Variants in KBTBD12 observed in about 807,000 individuals in gnomAD.
KBTBD12 encodes the protein kelch repeat and BTB domain-containing protein 12.
KBTBD12 carries 53 observed loss-of-function variants against 58.7 expected under a neutral mutation model. That is an observed-to-expected ratio of 0.90 (90% CI 0.72 to 1.14). The LOEUF (loss-of-function observed/expected upper bound fraction) is 1.14, where lower values mean the gene tolerates loss of function less well. KBTBD12 is among the 50% of genes most tolerant of loss of function. The probability of loss-of-function intolerance (pLI) is 0.00; values close to 1 mark genes in which losing one functional copy is unlikely to be tolerated. For synonymous variants in KBTBD12, 236 were observed against 259.8 expected (o/e 0.91, Z 0.88); for missense variants, 704 against 751.3 (o/e 0.94, Z 0.74).
chr3:127,924,051 A>C lies in KBTBD12; in HGVS notation c.990A>C (p.Glu330Asp). ...CTGTGTGTACTGGTGTTGTCATGGAAAATAATACTATAATTGTGGCTGGAG... is the reference window on the plus strand; with the variant it reads ...CTGTGTGTACTGGTGTTGTCATGGACAATAATACTATAATTGTGGCTGGAG... ...LGTVCTGVVM[E>D]NNTIIVAGEA... Residue 330 changes from glutamate to aspartate, a missense_variant, in exon 2 of 6, where the codon GAA becomes GAC. Transcript: ENST00000405109. 1 of 1,613,798 alleles carries C rather than the reference A, an allele frequency of 6.2e-7. No individual in the cohort carries two copies. The highest frequency in any genetic ancestry group is 8.5e-7 in the Non-Finnish European group (1 of 1,179,724).
In KBTBD12 at chr3:127,923,437, G is replaced by T; in HGVS notation, c.376G>T (p.Asp126Tyr). 1 of 1,612,136 alleles carries T rather than the reference G, an allele frequency of 6.2e-7. No individual in the cohort carries two copies. Reference protein sequence around the residue: ...VFSVCQKYMMDHMDASNCLGI... With the variant: ...VFSVCQKYMMYHMDASNCLGI... The stretch of plus-strand genomic sequence containing the variant: ...CAGTGTGTGTCAAAAATATATGATG[G>T]ACCACATGGATGCCTCCAACTGTTT... Residue 126 changes from aspartate (D) to tyrosine (Y), a missense_variant, in exon 2 of 6, where the codon GAC becomes TAC. Transcript: ENST00000405109.
intron 4 of KBTBD12, among the ~76,000 whole-genome samples, chr3:127,931,571 C>T (rs573754804): frequency 1.8e-3 from 273 of 151,994 alleles, no homozygotes; most frequent in Non-Finnish European, 1.6e-3. Context: ...ATCCATTGGA[C>T]CAGAATGAGA....
rs565185648 is a variant in KBTBD12 at position 127,923,577 on chromosome 3, C to T, written c.516C>T (p.Ile172=). 7 of 1,613,340 alleles carry T rather than the reference C, an allele frequency of 4.3e-6. No individual in the cohort carries two copies. The highest frequency in any genetic ancestry group is 1.3e-5 in the African/African-American group (1 of 75,016). ...EVSLHEEILE[I]EVHQFLTLIK... is the part of the protein sequence containing the mutation. ...GCTTACATGAAGAAATACTAGAAATCGAAGTGCACCAATTTTTGACACTTA... is the reference window on the plus strand; with the variant it reads ...GCTTACATGAAGAAATACTAGAAATTGAAGTGCACCAATTTTTGACACTTA... Residue 172 remains isoleucine, a synonymous_variant, in exon 2 of 6, where the codon ATC becomes ATT. Coordinates refer to ENST00000405109, the MANE Select transcript of KBTBD12 (RefSeq NM_207335.4).
chr3:127,935,837 C>T (rs982459814), intron 4 of KBTBD12, among the ~76,000 whole-genome samples: 3 of 152,068 alleles, frequency 2.0e-5, no homozygotes, highest in Non-Finnish European at 4.4e-5. Flanking sequence ...ATAAGAGACA[C>T]ATTTTGTACT....
At chr3:127,961,534 A>G (rs2107609218) in intron 4 of KBTBD12, among the ~76,000 whole-genome samples, 1 of 152,352 alleles carries the variant, frequency 6.6e-6, no homozygotes, top group African/African-American at 2.4e-5. Flanking sequence ...GTGCCCTTCC[A>G]TCAGCTTTTA....
At chr3:127,952,113 A>G (rs912179358) in intron 4 of KBTBD12, among the ~76,000 whole-genome samples, 1 of 152,214 alleles carries the variant, frequency 6.6e-6, no homozygotes, top group Non-Finnish European at 1.5e-5. Flanking sequence ...AGTTCTTTGA[A>G]GGAAAATAAT....
chr3:127,972,325 C>T (rs1940696760), intron 5 of KBTBD12, among the ~76,000 whole-genome samples: 1 of 152,116 alleles, frequency 6.6e-6, no homozygotes, highest in African/African-American at 2.4e-5. Context: ...CTCTCCATAC[C>T]AGACAAATCA....
At chr3:127,977,879 T>C (rs868737454) in intron 5 of KBTBD12, among the ~76,000 whole-genome samples, 4 of 152,238 alleles carry the variant, frequency 2.6e-5, no homozygotes, top group Admixed American at 2.6e-4. Context: ...GCTTTTGGTG[T>C]CTTTGTCATG....
intron 4 of KBTBD12, among the ~76,000 whole-genome samples, chr3:127,953,020 T>C (rs1940240122): frequency 6.6e-6 from 1 of 152,264 alleles, no homozygotes; most frequent in Admixed American, 6.5e-5. Context: ...TGCTGAATTT[T>C]GCTAAATCTG....
chr3:127,981,262 A>T (rs1940867570), intron 5 of KBTBD12, among the ~76,000 whole-genome samples: 1 of 152,234 alleles, frequency 6.6e-6, no homozygotes, highest in Admixed American at 6.5e-5. Context: ...GCCATGTATC[A>T]GCTGTCAATC....
intron 4 of KBTBD12, among the ~76,000 whole-genome samples, chr3:127,949,759 T>G (rs1940165241): frequency 6.6e-6 from 1 of 152,246 alleles, no homozygotes; most frequent in Non-Finnish European, 1.5e-5. Flanking sequence ...TTGAAATTCC[T>G]GCTTTCTAGA....
At chr3:127,968,634 G>T (rs917867795) in intron 5 of KBTBD12, among the ~76,000 whole-genome samples, 1 of 152,154 alleles carries the variant, frequency 6.6e-6, no homozygotes, top group Non-Finnish European at 1.5e-5. Flanking sequence ...GTGGGAGGAG[G>T]GAGAGCATCA....
chr3:127,946,227 A>T (rs561674661), intron 4 of KBTBD12, among the ~76,000 whole-genome samples: 1 of 151,778 alleles, frequency 6.6e-6, no homozygotes, highest in African/African-American at 2.4e-5. Context: ...AGCATTCTTC[A>T]CTCCTTCCTA....
At chr3:127,937,597 T>C (rs927557287) in intron 4 of KBTBD12, among the ~76,000 whole-genome samples, 1 of 152,064 alleles carries the variant, frequency 6.6e-6, no homozygotes, top group African/African-American at 2.4e-5. Context: ...TTTAACAGAG[T>C]TCTACAAGGA....
intron 5 of KBTBD12, among the ~76,000 whole-genome samples, chr3:127,967,698 C>G (rs1440042220): frequency 6.6e-6 from 1 of 152,154 alleles, no homozygotes; most frequent in African/African-American, 2.4e-5. Context: ...ACTTGTAAAG[C>G]AGCTATTTAA....
Position 127,965,004 on chromosome 3 carries a change from C to A in KBTBD12, c.1690+1618C>A, listed in dbSNP as rs76704556. 6.2e-3 allele frequency among the ~76,000 whole-genome samples: 945 copies of A among 152,292 alleles called. 9 individuals carry two copies. Among genetic ancestry groups the A allele is most frequent in the African/African-American group, 0.021 (889 of 41,542 alleles). On this transcript the variant is annotated intron_variant, in intron 5 of 5. Coordinates refer to ENST00000405109, the MANE Select transcript of KBTBD12 (RefSeq NM_207335.4). Reference sequence around the variant, plus strand: ...GGAGCTGAGGAGCCAGGAGGGAGAGCCCTGGTGCTGTGCCCACTCATGCGG... The same window carrying A: ...GGAGCTGAGGAGCCAGGAGGGAGAGACCTGGTGCTGTGCCCACTCATGCGG...
intron 4 of KBTBD12, among the ~76,000 whole-genome samples, chr3:127,945,663 GTCT>G (rs1940065574): frequency 1.4e-5 from 2 of 146,188 alleles, no homozygotes; most frequent in South Asian, 4.3e-4. Flanking sequence ...GTCTGAACTG[GTCT>G]TCTTATTTTC....
intron 4 of KBTBD12, among the ~76,000 whole-genome samples, chr3:127,946,077 C>T (rs1039446760): frequency 1.3e-5 from 2 of 152,204 alleles, no homozygotes. Context: ...TCTTCTCAAA[C>T]AATATAAGAA....
Position 127,930,160 on chromosome 3 carries a change from C to A in KBTBD12, c.1369C>A (p.Arg457=). Residue 457 remains arginine, a synonymous_variant, in exon 4 of 6, where the codon CGA becomes AGA. Coordinates refer to ENST00000405109, the MANE Select transcript of KBTBD12 (RefSeq NM_207335.4). The part of the protein sequence containing the change: ...QMDLPDEEPD[R]LSNKLLQYDP... ...GGATCTTCCTGATGAAGAACCTGAT[C>A]GATTAAGCAACAAACTGTTGCAGTA... 6.3e-7 allele frequency: 1 copy of A among 1,594,394 alleles called. No individual in the cohort carries two copies.
Sources: gnomAD v4.1 joint callset for allele counts (sites outside exome capture counted in the v4.1 genomes callset) on GRCh38, gnomAD v4.1.1 for gene constraint, MANE v1.5 for transcripts, NCBI Gene and HGNC (gene_info 2026-07-23, HGNC 2026-07-21) for gene names.